The following PRELID2 variants were observed in gnomAD, a reference collection of about 807,000 sequenced individuals.
PRELID2 encodes the protein PRELI domain-containing protein 2.
A neutral mutation model predicts 28.4 loss-of-function variants in PRELID2; 25 were observed. The observed-to-expected ratio is 0.88, with a 90% CI of 0.64 to 1.23. The LOEUF is 1.23. Among genes scored for constraint, PRELID2 ranks in the 50% most tolerant of loss-of-function variants. The probability of loss-of-function intolerance (pLI) is 0.00; values close to 1 mark genes in which losing one functional copy is unlikely to be tolerated. For missense variants in PRELID2, 201 were observed against 214.4 expected (o/e 0.94, Z 0.39); for synonymous variants, 76 against 71.6 (o/e 1.06, Z -0.31).
chr5:145,714,522 C>T (rs1415912535), intron 1 of PRELID2, among the ~76,000 whole-genome samples: 1 of 152,044 alleles, frequency 6.6e-6, no homozygotes, highest in Non-Finnish European at 1.5e-5. Flanking sequence ...AAGCTAGGAC[C>T]TCTTCCCTAG....
At chr5:145,814,407 A>T (rs1754157920) in intron 4 of PRELID2, among the ~76,000 whole-genome samples, 1 of 152,174 alleles carries the variant, frequency 6.6e-6, no homozygotes, top group African/African-American at 2.4e-5. Flanking sequence ...CCAAACATCT[A>T]TGCCCTATGT....
intron 1 of PRELID2, among the ~76,000 whole-genome samples, chr5:145,826,610 T>C (rs972476973): frequency 6.6e-6 from 1 of 152,208 alleles, no homozygotes; most frequent in African/African-American, 2.4e-5. Context: ...ATCATATGTA[T>C]GTAACAGTCT....
chr5:145,430,120 G>A, the PRELID2 span, among the ~76,000 whole-genome samples: 1 of 152,182 alleles, frequency 6.6e-6, no homozygotes. Context: ...TTTCGATGAA[G>A]TAATAGTTAA....
chr5:145,385,616 G>A, the PRELID2 span, among the ~76,000 whole-genome samples: 1 of 152,198 alleles, frequency 6.6e-6, no homozygotes, highest in Non-Finnish European at 1.5e-5. Context: ...ACACATGGTA[G>A]TAAATAATGT....
intron 1 of PRELID2, among the ~76,000 whole-genome samples, chr5:145,490,922 C>T (rs1354411575): frequency 7.1e-6 from 1 of 141,052 alleles, no homozygotes; most frequent in Non-Finnish European, 1.5e-5. Flanking sequence ...CCTAATCTAA[C>T]CTACTTCATT....
chr5:145,597,743 G>C (rs78734504), intron 1 of PRELID2, among the ~76,000 whole-genome samples: 2,121 of 152,192 alleles, frequency 0.014, 47 homozygotes, highest in African/African-American at 0.047. Flanking sequence ...GGTGAATCTT[G>C]TTGAAAATCC....
the PRELID2 span, among the ~76,000 whole-genome samples, chr5:145,389,317 G>C: frequency 5.3e-4 from 80 of 152,194 alleles, no homozygotes; most frequent in Non-Finnish European, 1.2e-4. Context: ...AGAGGGGCTT[G>C]TGAATGCTGT....
intron 1 of PRELID2, among the ~76,000 whole-genome samples, chr5:145,495,354 A>AT (rs1156508115): frequency 1.3e-5 from 2 of 152,208 alleles, no homozygotes; most frequent in African/African-American, 4.8e-5. Context: ...TGCTAGAACT[A>AT]TTTTTGGATG....
chr5:145,450,544 C>A, the PRELID2 span: 1 of 152,104 alleles, frequency 6.6e-6, no homozygotes, highest in Non-Finnish European at 1.5e-5. Context: ...AAACAAGACC[C>A]AGGCCATGAC....
chr5:145,743,508 C>T lies in PRELID2; in HGVS notation n.70+21423G>A, dbSNP rs111439995. Among the ~76,000 whole-genome samples, 553 of 151,936 alleles carry T rather than the reference C, an allele frequency of 3.6e-3. 4 individuals are homozygous for T. Among genetic ancestry groups the T allele is most frequent in the African/African-American group, 0.013 (521 of 41,438 alleles). On this transcript the variant is annotated intron_variant and non_coding_transcript_variant, in intron 1 of 2. Coordinates refer to the PRELID2 transcript ENST00000510259. Reference sequence around the variant, plus strand: ...GGCAACCAAGGTATCCAGGTTCTCTCATCAGAACTGACTAGGAGGCTGGCA... The same window carrying T: ...GGCAACCAAGGTATCCAGGTTCTCTTATCAGAACTGACTAGGAGGCTGGCA...
the PRELID2 span, among the ~76,000 whole-genome samples, chr5:145,371,974 C>A: frequency 6.8e-6 from 1 of 146,706 alleles, no homozygotes; most frequent in Non-Finnish European, 1.5e-5. Context: ...TTAGTTATTT[C>A]TTGTCTTCTG....
intron 1 of PRELID2, among the ~76,000 whole-genome samples, chr5:145,741,386 AATT>A (rs1756732808): frequency 9.9e-6 from 1 of 100,652 alleles, no homozygotes; most frequent in African/African-American, 4.0e-5. Context: ...TTTATTTATA[AATT>A]ATTTATATAT....
chr5:145,553,522 T>C (rs1752855479), intron 1 of PRELID2, among the ~76,000 whole-genome samples: 1 of 152,214 alleles, frequency 6.6e-6, no homozygotes, highest in Non-Finnish European at 1.5e-5. Context: ...TTCTTGTTCA[T>C]ACTTGTCCCA....
chr5:145,336,180 G>T, the PRELID2 span, among the ~76,000 whole-genome samples: 1 of 152,094 alleles, frequency 6.6e-6, no homozygotes, highest in Non-Finnish European at 1.5e-5. Context: ...TTAGCCCTTT[G>T]TCAGATGAGT....
the PRELID2 span, chr5:145,230,072 A>G: frequency 1.5e-6 from 1 of 660,168 alleles, no homozygotes; most frequent in South Asian, 1.4e-5. Flanking sequence ...TACCATGAGG[A>G]GCTGGGGCCT....
the PRELID2 span, among the ~76,000 whole-genome samples, chr5:145,346,006 T>C: frequency 6.6e-6 from 1 of 152,102 alleles, no homozygotes; most frequent in Admixed American, 6.6e-5. Context: ...GGTCCTAGGC[T>C]TGTGTAAACA....
chr5:145,603,653 G>T (rs867418727), intron 1 of PRELID2, among the ~76,000 whole-genome samples: 1 of 151,954 alleles, frequency 6.6e-6, no homozygotes, highest in South Asian at 2.1e-4. Flanking sequence ...ATACAGGAAT[G>T]CTTAAATAAG....
At chr5:145,310,303 A>T in the PRELID2 span, among the ~76,000 whole-genome samples, 1 of 152,226 alleles carries the variant, frequency 6.6e-6, no homozygotes, top group African/African-American at 2.4e-5. Flanking sequence ...TGATTATCTT[A>T]GTCTGCTAGA....
chr5:145,449,966 G>A, the PRELID2 span, among the ~76,000 whole-genome samples: 1 of 152,092 alleles, frequency 6.6e-6, no homozygotes, highest in Admixed American at 6.6e-5. Flanking sequence ...CCCCCCTCTG[G>A]ATAGAGCAGA....
Sources: allele counts gnomAD v4.1 joint callset (sites outside exome capture counted in the v4.1 genomes callset), GRCh38; gene constraint gnomAD v4.1.1; transcripts MANE v1.5; gene names NCBI Gene and HGNC (gene_info 2026-07-23, HGNC 2026-07-21).